NDST4: variants seen among roughly 807,000 people sequenced by gnomAD.
NDST4 encodes N-heparan sulfate sulfotransferase 4.
In NDST4, 63 loss-of-function variants were observed where a neutral mutation model predicts 100.8. That is an observed-to-expected ratio of 0.62 (90% CI 0.51 to 0.77). The LOEUF (loss-of-function observed/expected upper bound fraction) is 0.77, where lower values mean the gene tolerates loss of function less well. Among genes scored for constraint, NDST4 ranks in the 30% least tolerant of loss-of-function variants. The probability of loss-of-function intolerance (pLI) is 0.00; values close to 1 mark genes in which losing one functional copy is unlikely to be tolerated. For missense variants in NDST4, 943 were observed against 1,018.4 expected (o/e 0.93, Z 1.01); for synonymous variants, 377 against 361.8 (o/e 1.04, Z -0.48).
At chr4:115,078,356 A>G (rs1420365167) in intron 1 of NDST4, among the ~76,000 whole-genome samples, 1 of 152,156 alleles carries the variant, frequency 6.6e-6, no homozygotes, top group Non-Finnish European at 1.5e-5. Context: ...GGAACTTCCT[A>G]GAGACTGGTT....
intron 5 of NDST4, among the ~76,000 whole-genome samples, chr4:114,935,946 AACTACTG>A (rs1158329705): frequency 1.3e-5 from 2 of 152,108 alleles, no homozygotes; most frequent in African/African-American, 4.8e-5. Flanking sequence ...TTGAATGACA[AACTACTG>A]GTAATTTAAT....
At chr4:114,964,687 G>T (rs189226184) in intron 4 of NDST4, among the ~76,000 whole-genome samples, 3 of 152,226 alleles carry the variant, frequency 2.0e-5, no homozygotes, top group African/African-American at 4.8e-5. Context: ...ACACAATGTT[G>T]TATGGCAGAT....
chr4:115,040,117 T>C (rs192696967), intron 2 of NDST4, among the ~76,000 whole-genome samples: 1 of 151,896 alleles, frequency 6.6e-6, no homozygotes, highest in East Asian at 1.9e-4. Flanking sequence ...AGGACATAGA[T>C]AAAAACTAGA....
At chr4:114,969,881 A>G (rs1398513606) in intron 4 of NDST4, among the ~76,000 whole-genome samples, 1 of 152,216 alleles carries the variant, frequency 6.6e-6, no homozygotes, top group Non-Finnish European at 1.5e-5. Flanking sequence ...TCTTTGAGAA[A>G]TTGCCACACT....
intron 6 of NDST4, among the ~76,000 whole-genome samples, chr4:114,907,181 T>C (rs1724966737): frequency 1.3e-5 from 2 of 152,120 alleles, no homozygotes; most frequent in African/African-American, 4.8e-5. Context: ...TCCTCACTGT[T>C]TTAATTAGTT....
intron 1 of NDST4, among the ~76,000 whole-genome samples, chr4:115,095,449 A>T (rs1729601113): frequency 6.6e-6 from 1 of 152,072 alleles, no homozygotes; most frequent in East Asian, 1.9e-4. Flanking sequence ...GCTCTCTGGT[A>T]TATGTTTTCT....
chr4:114,980,322 T>C (rs915212680), intron 2 of NDST4, among the ~76,000 whole-genome samples: 2 of 152,176 alleles, frequency 1.3e-5, no homozygotes, highest in African/African-American at 4.8e-5. Context: ...GAATATTTCG[T>C]GCGGAAACTT....
chr4:115,080,555 G>T (rs1379701749), intron 1 of NDST4, among the ~76,000 whole-genome samples: 2 of 152,004 alleles, frequency 1.3e-5, no homozygotes, highest in African/African-American at 4.8e-5. Flanking sequence ...GCAATAAAAA[G>T]GCTTTGGTTT....
At chr4:114,906,701 G>T (rs1283328479) in intron 6 of NDST4, among the ~76,000 whole-genome samples, 4 of 151,612 alleles carry the variant, frequency 2.6e-5, no homozygotes, top group African/African-American at 9.7e-5. Flanking sequence ...TATATATCTT[G>T]TCTACATAAA....
At chr4:114,852,855 T>C in intron 7 of NDST4, 34 bp from the exon 8 acceptor site, 1 of 1,421,740 alleles carries the variant, frequency 7.0e-7, no homozygotes, top group Non-Finnish European at 9.9e-7. Flanking sequence ...CCTCACAGTG[T>C]AATGACTGTC....
At chr4:114,954,827 C>A (rs1261632834) in intron 4 of NDST4, among the ~76,000 whole-genome samples, 1 of 152,128 alleles carries the variant, frequency 6.6e-6, no homozygotes, top group African/African-American at 2.4e-5. Flanking sequence ...TAACACTAAC[C>A]TTCTTGGCAC....
At chr4:114,998,578 T>C (rs763551072) in intron 2 of NDST4, among the ~76,000 whole-genome samples, 3 of 152,090 alleles carry the variant, frequency 2.0e-5, no homozygotes, top group Non-Finnish European at 2.9e-5. Flanking sequence ...TCTCATACCA[T>C]AAGTGCTAGA....
intron 2 of NDST4, among the ~76,000 whole-genome samples, chr4:114,982,008 G>A (rs1016451655): frequency 1.3e-5 from 2 of 152,102 alleles, no homozygotes; most frequent in African/African-American, 4.8e-5. Context: ...TTGTTTCAAA[G>A]TGTGTGGCAC....
At chr4:115,098,962 C>T (rs976047594) in intron 1 of NDST4, among the ~76,000 whole-genome samples, 4 of 152,174 alleles carry the variant, frequency 2.6e-5, no homozygotes, top group African/African-American at 4.8e-5. Context: ...TCCACATTGG[C>T]GTCCCAAAAT....
At chr4:114,967,641 G>T (rs1045423663) in intron 4 of NDST4, among the ~76,000 whole-genome samples, 4 of 152,134 alleles carry the variant, frequency 2.6e-5, no homozygotes, top group African/African-American at 9.7e-5. Context: ...TGTCCTGAGA[G>T]AATTTAGCAT....
At chr4:115,081,176 GTAA>G (rs1729295178) in intron 1 of NDST4, among the ~76,000 whole-genome samples, 1 of 151,870 alleles carries the variant, frequency 6.6e-6, no homozygotes, top group Non-Finnish European at 1.5e-5. Flanking sequence ...TTATTTAACA[GTAA>G]TATGTTCAGA....
At chr4:114,861,324 G>A (rs1163068609) in intron 7 of NDST4, among the ~76,000 whole-genome samples, 9 of 152,134 alleles carry the variant, frequency 5.9e-5, no homozygotes, top group African/African-American at 9.7e-5. Flanking sequence ...TAAAATAGTG[G>A]TTGGTAATAT....
At chr4:114,943,139 A>T (rs1725786407) in intron 4 of NDST4, among the ~76,000 whole-genome samples, 1 of 149,164 alleles carries the variant, frequency 6.7e-6, no homozygotes, top group Non-Finnish European at 1.5e-5. Flanking sequence ...AGATAACATT[A>T]TTAGATCCCA....
intron 6 of NDST4, among the ~76,000 whole-genome samples, chr4:114,894,744 C>T (rs1231761719): frequency 6.6e-6 from 1 of 152,102 alleles, no homozygotes; most frequent in Non-Finnish European, 1.5e-5. Context: ...CTTCCTCTTG[C>T]CTGATTGCCC....
Sources: gnomAD v4.1 joint callset for allele counts (sites outside exome capture counted in the v4.1 genomes callset) on GRCh38, gnomAD v4.1.1 for gene constraint, MANE v1.5 for transcripts, NCBI Gene and HGNC (gene_info 2026-07-23, HGNC 2026-07-21) for gene names.